The following MAP3K2 variants were observed in gnomAD, a reference collection of about 807,000 sequenced individuals.
The protein encoded by MAP3K2 is MAP/ERK kinase kinase 2.
Under a neutral mutation model 80.3 loss-of-function variants are expected in MAP3K2, and 24 were observed. The observed-to-expected ratio is 0.30, with a 90% CI of 0.22 to 0.42. The LOEUF is 0.42. Among genes scored for constraint, MAP3K2 ranks in the 10% least tolerant of loss-of-function variants. The pLI is 1.00. For missense variants in MAP3K2, 608 were observed against 750.1 expected (o/e 0.81, Z 2.21); for synonymous variants, 244 against 253.7 (o/e 0.96, Z 0.36).
intron 15 of MAP3K2, among the ~76,000 whole-genome samples, chr2:127,309,775 A>C (rs1685775775): frequency 6.6e-6 from 1 of 152,142 alleles, no homozygotes; most frequent in Non-Finnish European, 1.5e-5. Flanking sequence ...TTTTTGGAGG[A>C]AGACCGCAGC....
intron 14 of MAP3K2, among the ~76,000 whole-genome samples, chr2:127,316,023 C>T (rs924182507): frequency 7.3e-5 from 11 of 149,754 alleles, no homozygotes; most frequent in African/African-American, 2.5e-4. Flanking sequence ...TGCAGTGAGC[C>T]GAGATCGCAC....
At chr2:127,358,109 C>T (rs1479492849) in intron 1 of MAP3K2, among the ~76,000 whole-genome samples, 1 of 152,070 alleles carries the variant, frequency 6.6e-6, no homozygotes, top group Admixed American at 6.5e-5. Flanking sequence ...ATCTAAAGTA[C>T]TCTTACAACC....
intron 15 of MAP3K2, 93 bp downstream of exon 15, chr2:127,314,661 T>C: frequency 3.0e-6 from 3 of 989,070 alleles, no homozygotes; most frequent in South Asian, 1.6e-5. Context: ...CAGAGACAGA[T>C]GAATTAATGT....
At chr2:127,387,402 A>ACACACACC (rs1687382324) in intron 1 of MAP3K2, 50 bp downstream of exon 1, 1 of 219,084 alleles carries the variant, frequency 4.6e-6, no homozygotes, top group Non-Finnish European at 5.6e-6. Flanking sequence ...ACGCGCGCAC[A>ACACACACC]CACACACACA....
chr2:127,333,131 C>CAAA (rs34727603), intron 5 of MAP3K2, among the ~76,000 whole-genome samples: 2 of 107,280 alleles, frequency 1.9e-5, no homozygotes, highest in Non-Finnish European at 1.9e-5. Context: ...GATGCTGTCT[C>CAAA]AAAAAAAAAA....
chr2:127,309,790 C>T (rs943812640), intron 15 of MAP3K2, among the ~76,000 whole-genome samples: 1 of 152,174 alleles, frequency 6.6e-6, no homozygotes, highest in African/African-American at 2.4e-5. Flanking sequence ...CGCAGCTAAA[C>T]TGCCATTCTC....
chr2:127,329,450 G>A (rs1056419821), intron 7 of MAP3K2, among the ~76,000 whole-genome samples: 4 of 150,330 alleles, frequency 2.7e-5, no homozygotes, highest in East Asian at 2.0e-4. Context: ...TCCGCCTCCC[G>A]GGTTCAAGCA....
intron 15 of MAP3K2, among the ~76,000 whole-genome samples, chr2:127,312,099 G>A (rs148271471): frequency 1.7e-3 from 260 of 152,340 alleles, no homozygotes; most frequent in African/African-American, 5.8e-3. Context: ...GATAGATGAT[G>A]CTGTATTCTA....
chr2:127,318,558 T>C (rs1452673251), intron 12 of MAP3K2, among the ~76,000 whole-genome samples: 1 of 152,198 alleles, frequency 6.6e-6, no homozygotes, highest in Non-Finnish European at 1.5e-5. Flanking sequence ...CTGAAATTGT[T>C]TTCCTAATTA....
At chr2:127,367,430 T>G (rs1285529050) in intron 1 of MAP3K2, among the ~76,000 whole-genome samples, 1 of 152,242 alleles carries the variant, frequency 6.6e-6, no homozygotes, top group Non-Finnish European at 1.5e-5. Flanking sequence ...TGTTGATCTA[T>G]CTCTCCTTAA....
At chr2:127,311,828 A>G (rs1685812718) in intron 15 of MAP3K2, among the ~76,000 whole-genome samples, 1 of 152,234 alleles carries the variant, frequency 6.6e-6, no homozygotes, top group Non-Finnish European at 1.5e-5. Flanking sequence ...AATGAAGTCC[A>G]TACATTGGGA....
chr2:127,307,481 C>T lies in MAP3K2; in HGVS notation c.*98G>A, dbSNP rs539200572. The T allele has an allele frequency of 3.3e-6, 2 of 606,260 alleles. No homozygotes were observed. Among genetic ancestry groups the T allele is most frequent in the African/African-American group, 1.9e-5 (1 of 53,344 alleles). 37.6% of individuals were successfully genotyped at this position (606,260 alleles called of 1,614,324 possible). ...ACTTTCCCTCTTGTCTTTTTTCTCC[C>T]CCATCTCTCTTTTTTTATAAAAAAG... On this transcript the variant is annotated 3_prime_UTR_variant, in exon 17 of 17. Coordinates refer to ENST00000682094, the MANE Select transcript of MAP3K2 (RefSeq NM_001371910.2). The surrounding 1 kb of genome is among the most constrained non-coding windows in gnomAD (Gnocchi z 5.4).
chr2:127,306,740 T>C lies in MAP3K2; in HGVS notation c.*839A>G, dbSNP rs897075569. On this transcript the variant is annotated 3_prime_UTR_variant, in exon 17 of 17. Coordinates refer to ENST00000682094, the MANE Select transcript of MAP3K2 (RefSeq NM_001371910.2). This position sits in a 1 kb window ranked among gnomAD's most constrained non-coding sequence, Gnocchi z 4.7. The stretch of plus-strand genomic sequence containing the variant: ...CCTAATTTTTTTTCATTATTTCTAT[T>C]GACTGTAAATGTGGTCTCTTCTACT... 1.3e-5 allele frequency: 2 copies of C among 152,270 alleles called. No homozygotes were observed. The highest frequency in any genetic ancestry group is 4.8e-5 in the African/African-American group (2 of 41,446). 9.4% of individuals were successfully genotyped at this position (152,270 alleles called of 1,614,324 possible).
rs922924964 is a variant in MAP3K2 at position 127,302,901 on chromosome 2, T to A, written c.*4678A>T. On this transcript the variant is annotated 3_prime_UTR_variant, in exon 17 of 17. Transcript: ENST00000682094. Reference sequence around the variant, plus strand: ...TTATTTATTTATTTATTTATTTTTTTAAAAAGGAGGTAGAAAAGGGTAGGA... The same window carrying A: ...TTATTTATTTATTTATTTATTTTTTAAAAAAGGAGGTAGAAAAGGGTAGGA... 1 of 152,006 alleles carries A rather than the reference T, an allele frequency of 6.6e-6. No individual in the cohort carries two copies. Among genetic ancestry groups the A allele is most frequent in the African/African-American group, 2.4e-5 (1 of 41,378 alleles). The allele number at this position is 152,006 out of a possible 1,614,324, so 9.4% of individuals were successfully genotyped here. A position where few individuals can be genotyped will look rare whatever the true frequency, so the allele number is the denominator to read the frequency against.
At chr2:127,359,878 T>G (rs979635726) in intron 1 of MAP3K2, among the ~76,000 whole-genome samples, 4 of 152,192 alleles carry the variant, frequency 2.6e-5, no homozygotes, top group African/African-American at 9.7e-5. Context: ...AAATCATGCT[T>G]CCTATAAAAC....
chr2:127,321,983 A>T lies in MAP3K2; in HGVS notation c.1045+63T>A. On this transcript the variant is annotated intron_variant, in intron 12 of 16. Transcript: ENST00000682094. This position sits in a 1 kb window ranked among gnomAD's most constrained non-coding sequence, Gnocchi z 4.4. ...AACTCACTTAGTATTTATTCCTTTT[A>T]ATAATATAAAATTCTGCAAAGATTC... is the stretch of plus-strand genomic sequence containing the variant. The T allele has an allele frequency of 7.2e-7, 1 of 1,385,262 alleles. No homozygotes were observed. Among genetic ancestry groups the T allele is most frequent in the Non-Finnish European group, 1.0e-6 (1 of 997,224 alleles). The allele number at this position is 1,385,262 out of a possible 1,614,324, so 85.8% of individuals were successfully genotyped here.
Position 127,335,932 on chromosome 2 carries a change from G to C in MAP3K2, c.202C>G (p.Leu68Val), listed in dbSNP as rs180887005. Residue 68 changes from leucine (L) to valine (V), a missense_variant, in exon 5 of 17, where the codon CTG (leucine) becomes GTG (valine). Leu to Val is a conservative substitution (Grantham distance 32, BLOSUM62 1). Coordinates refer to ENST00000682094, the MANE Select transcript of MAP3K2 (RefSeq NM_001371910.2). ...AAGGCAATTTTAGCTTTAGATCTCAGATCTTCCAGTTTAACTGGTCTGGGG... is the reference window on the plus strand; with the variant it reads ...AAGGCAATTTTAGCTTTAGATCTCACATCTTCCAGTTTAACTGGTCTGGGG... ...QFPRPVKLED[L>V]RSKAKIAFGQ... 1.3e-6 allele frequency: 2 copies of C among 1,573,608 alleles called. No individual in the cohort carries two copies. The highest frequency in any genetic ancestry group is 1.3e-5 in the African/African-American group (1 of 74,358).
intron 2 of MAP3K2, among the ~76,000 whole-genome samples, chr2:127,342,012 C>A (rs530864896): frequency 6.9e-6 from 1 of 144,538 alleles, no homozygotes; most frequent in South Asian, 2.2e-4. Context: ...ATTCAAACAT[C>A]TGTCATGGTG....
intron 1 of MAP3K2, among the ~76,000 whole-genome samples, chr2:127,365,491 C>G (rs1346223485): frequency 6.6e-6 from 1 of 152,210 alleles, no homozygotes; most frequent in Non-Finnish European, 1.5e-5. Context: ...AAAAGACTTT[C>G]TGAAGAGTAT....
Sources: gnomAD v4.1 joint callset for allele counts (sites outside exome capture counted in the v4.1 genomes callset) on GRCh38, gnomAD v4.1.1 for gene constraint, Gnocchi (gnomAD v3.1) non-coding constraint, MANE v1.5 for transcripts, NCBI Gene and HGNC (gene_info 2026-07-23, HGNC 2026-07-21) for gene names.